BRSK2: variants seen among roughly 807,000 people sequenced by gnomAD.
The protein encoded by BRSK2 is serine/threonine-protein kinase BRSK2.
A neutral mutation model predicts 83.3 loss-of-function variants in BRSK2; 19 were observed. The observed-to-expected ratio is 0.23, with a 90% CI of 0.16 to 0.33. BRSK2 has a LOEUF of 0.33. Among genes scored for constraint, BRSK2 ranks in the 10% least tolerant of loss-of-function variants. The pLI, the probability that BRSK2 is intolerant of heterozygous loss-of-function variation, is 1.00. For missense variants in BRSK2, 798 were observed against 1,042.3 expected (o/e 0.77, Z 3.23); for synonymous variants, 519 against 435.4 (o/e 1.19, Z -2.39).
chr11:1,411,160 G>A, intron 1 of BRSK2: 1 of 1,225,926 alleles, frequency 8.2e-7, no homozygotes, highest in Non-Finnish European at 1.0e-6. Flanking sequence ...CCAGTCTCAG[G>A]CTGGCTAGTT....
Position 1,443,524 on chromosome 11 carries a change from G to A in BRSK2, c.669G>A (p.Gln223=). The change falls in exon 8 of 20, where the codon CAG becomes CAA. Residue 223 remains glutamine, a synonymous_variant. Transcript: ENST00000528841. ...CCTTCGACGATGACAACTTGCGACA[G>A]CTGCTGGAGAAGGTGAAGCGGGGCG... The part of the protein sequence containing the change: ...ALPFDDDNLR[Q]LLEKVKRGVF... 1 of 1,607,616 alleles carries A rather than the reference G, an allele frequency of 6.2e-7. No homozygotes were observed. The highest frequency in any genetic ancestry group is 1.1e-5 in the South Asian group (1 of 90,284).
intron 1 of BRSK2, among the ~76,000 whole-genome samples, chr11:1,404,654 A>T (rs1378346178): frequency 6.6e-6 from 1 of 152,158 alleles, no homozygotes; most frequent in Non-Finnish European, 1.5e-5. Context: ...CTCTAAGACC[A>T]CAAGGCACTC....
At chr11:1,401,150 G>A (rs1424174237) in intron 1 of BRSK2, among the ~76,000 whole-genome samples, 1 of 152,336 alleles carries the variant, frequency 6.6e-6, no homozygotes, top group African/African-American at 2.4e-5. Flanking sequence ...GGCAGGGGAC[G>A]CCCTGCCCAC....
At position 1,461,870 on chromosome 11, in the gene BRSK2, GCT is replaced by G. The variant is rs952938493; in HGVS notation, c.*1150_*1151del. ...CACACATCTAAAGACGGTGCGGCTCGCTCTGTCATGGGTTCCGTCTCTCTGTG... is the reference window on the plus strand; with the variant it reads ...CACACATCTAAAGACGGTGCGGCTCGCTGTCATGGGTTCCGTCTCTCTGTG... On this transcript the variant is annotated 3_prime_UTR_variant, in exon 20 of 20. Coordinates refer to ENST00000528841, the MANE Select transcript of BRSK2 (RefSeq NM_001256627.2). 7 of 130,242 alleles carry G rather than the reference GCT, an allele frequency of 5.4e-5. No homozygotes were observed. Among genetic ancestry groups the G allele is most frequent in the African/African-American group, 9.1e-5 (3 of 32,968 alleles). 8.1% of individuals were successfully genotyped at this position (130,242 alleles called of 1,614,324 possible).
intron 10 of BRSK2, 41 bp downstream of exon 10, chr11:1,445,499 G>A: frequency 6.2e-7 from 1 of 1,608,208 alleles, no homozygotes; most frequent in Non-Finnish European, 8.5e-7. Flanking sequence ...CGGGGCCTGA[G>A]GTGGGAGCGC....
At chr11:1,449,228 C>T (rs778984734) in intron 12 of BRSK2, among the ~76,000 whole-genome samples, 6 of 152,212 alleles carry the variant, frequency 3.9e-5, no homozygotes, top group Non-Finnish European at 7.4e-5. Context: ...AAGGCCCCAC[C>T]GTCCCTGCCA....
chr11:1,460,784 G>GCCGCCCA lies in BRSK2; in HGVS notation c.*63_*64insGCCCACC. ...GCGGCTGCCTCGCCGCCCGCCGCCC[G>GCCGCCCA]CCCTGCCCCGAGTGGACCCGCGGCC... is the stretch of plus-strand genomic sequence containing the variant. On this transcript the variant is annotated 3_prime_UTR_variant, in exon 20 of 20. Coordinates refer to ENST00000528841, the MANE Select transcript of BRSK2 (RefSeq NM_001256627.2). The GCCGCCCA allele has an allele frequency of 7.1e-7, 1 of 1,404,468 alleles. No individual in the cohort carries two copies. Among genetic ancestry groups the GCCGCCCA allele is most frequent in the Non-Finnish European group, 9.2e-7 (1 of 1,088,488 alleles). The allele number at this position is 1,404,468 out of a possible 1,614,324, so 87.0% of individuals were successfully genotyped here.
In BRSK2 at chr11:1,450,627, C is replaced by G. The variant is rs780957053; in HGVS notation, c.1328C>G (p.Thr443Ser). 3.7e-6 allele frequency: 6 copies of G among 1,600,352 alleles called. No individual in the cohort carries two copies. Among genetic ancestry groups the G allele is most frequent in the East Asian group, 2.3e-5 (1 of 44,172 alleles). Reference sequence around the variant, plus strand: ...TCACCAAGGGGCAGTCCCCTCCCCACCCCCAAGGGGACACCTGTCCACACG... The same window carrying G: ...TCACCAAGGGGCAGTCCCCTCCCCAGCCCCAAGGGGACACCTGTCCACACG... ...HPSPRGSPLP[T>S]PKGTPVHTPK... The change falls in exon 14 of 20, where the codon ACC becomes AGC. Residue 443 changes from threonine to serine, a missense_variant. Physicochemically the swap from Thr to Ser is moderately conservative, Grantham distance 58. Transcript: ENST00000528841.
At chr11:1,392,656 T>A (rs1564787614) in intron 1 of BRSK2, among the ~76,000 whole-genome samples, 3 of 152,274 alleles carry the variant, frequency 2.0e-5, no homozygotes, top group South Asian at 4.1e-4. Flanking sequence ...TTGGGGAGTC[T>A]GGCCGTGTGG....
chr11:1,443,028 C>T (rs1411755839), intron 5 of BRSK2, 78 bp from the exon 6 acceptor site: 7 of 1,471,500 alleles, frequency 4.8e-6, no homozygotes, highest in African/African-American at 4.2e-5. Context: ...CTTGAGGGCC[C>T]TGCGGTGCAC....
chr11:1,394,979 A>G (rs1464431035), intron 1 of BRSK2, among the ~76,000 whole-genome samples: 5 of 150,262 alleles, frequency 3.3e-5, no homozygotes, highest in Non-Finnish European at 7.4e-5. Context: ...TGGGCCATGG[A>G]GATGGGTCCT....
At chr11:1,416,591 T>C (rs946415336) in intron 1 of BRSK2, among the ~76,000 whole-genome samples, 4 of 152,202 alleles carry the variant, frequency 2.6e-5, no homozygotes, top group African/African-American at 9.6e-5. Flanking sequence ...TTTTGCTGAA[T>C]GTAGAATTCT....
At chr11:1,397,143 G>A (rs1289263311) in intron 1 of BRSK2, among the ~76,000 whole-genome samples, 3 of 152,222 alleles carry the variant, frequency 2.0e-5, no homozygotes, top group Admixed American at 6.5e-5. Context: ...TAGGGCTGGT[G>A]CCTGTGTCAG....
At chr11:1,456,039 C>G (rs551850830) in intron 16 of BRSK2, among the ~76,000 whole-genome samples, 102 of 152,332 alleles carry the variant, frequency 6.7e-4, no homozygotes, top group African/African-American at 2.3e-3. Context: ...TCACCTTCCA[C>G]CTCCATCTTT....
chr11:1,455,501 C>T (rs1846399127), intron 16 of BRSK2, among the ~76,000 whole-genome samples: 1 of 152,092 alleles, frequency 6.6e-6, no homozygotes, highest in Non-Finnish European at 1.5e-5. Context: ...ACTCAGGCCA[C>T]TGCTGCCCTG....
At chr11:1,460,474 T>TG in intron 19 of BRSK2, 26 bp from the exon 20 acceptor site, 1 of 1,303,934 alleles carries the variant, frequency 7.7e-7, no homozygotes, top group South Asian at 2.1e-5. Context: ...TTTTTTTTTT[T>TG]TTTTGTCTCT....
intron 1 of BRSK2, among the ~76,000 whole-genome samples, chr11:1,428,561 T>C (rs1434481748): frequency 6.6e-6 from 1 of 152,162 alleles, no homozygotes; most frequent in Non-Finnish European, 1.5e-5. Flanking sequence ...CTGTCCTGAT[T>C]TGTGCTGGGC....
At chr11:1,429,390 CTGAG>C (rs1849689169) in intron 1 of BRSK2, among the ~76,000 whole-genome samples, 1 of 141,900 alleles carries the variant, frequency 7.0e-6, no homozygotes, top group Non-Finnish European at 1.5e-5. Context: ...TGTGTGTGCA[CTGAG>C]TGTAGGCACA....
At chr11:1,433,852 C>T (rs1383502571) in intron 1 of BRSK2, among the ~76,000 whole-genome samples, 1 of 152,222 alleles carries the variant, frequency 6.6e-6, no homozygotes, top group Non-Finnish European at 1.5e-5. Flanking sequence ...CCTCTGTGCC[C>T]AGCCTGTGTC....
Sources: allele counts gnomAD v4.1 joint callset (sites outside exome capture counted in the v4.1 genomes callset), GRCh38; gene constraint gnomAD v4.1.1; transcripts MANE v1.5; gene names NCBI Gene and HGNC (gene_info 2026-07-23, HGNC 2026-07-21).